The following MAP3K13 variants were observed in gnomAD, a reference collection of about 807,000 sequenced individuals.
The protein encoded by MAP3K13 is leucine zipper-bearing kinase.
In MAP3K13, 52 loss-of-function variants were observed where a neutral mutation model predicts 104.0. The ratio of observed to expected loss-of-function variants is 0.50; its 90% CI spans 0.40 to 0.63. The LOEUF (loss-of-function observed/expected upper bound fraction) is 0.63, where lower values mean the gene tolerates loss of function less well. Among genes scored for constraint, MAP3K13 ranks in the 20% least tolerant of loss-of-function variants. MAP3K13 has a pLI of 0.00. For synonymous variants in MAP3K13, 394 were observed against 442.2 expected (o/e 0.89, Z 1.37); for missense variants, 914 against 1,218.5 (o/e 0.75, Z 3.72).
chr3:185,466,953 C>A lies in MAP3K13; in HGVS notation c.1633C>A (p.Gln545Lys). ...RKGVPHKSGMQTKRPDLLRSE... is the reference protein window; with the variant it reads ...RKGVPHKSGMKTKRPDLLRSE... ...AGGAGTGCCTCACAAATCTGGGATG[C>A]AGACCAAACGGTGAGACACCTGTAC... Residue 545 changes from glutamine (Q) to lysine (K), a missense_variant, in exon 10 of 14, where the codon CAG becomes AAG. Coordinates refer to ENST00000265026, the MANE Select transcript of MAP3K13 (RefSeq NM_004721.5). The A allele has an allele frequency of 6.2e-7, 1 of 1,613,930 alleles. No individual in the cohort carries two copies. Among genetic ancestry groups the A allele is most frequent in the Non-Finnish European group, 8.5e-7 (1 of 1,179,840 alleles).
chr3:185,378,676 G>A (rs899685551), intron 1 of MAP3K13, among the ~76,000 whole-genome samples: 15 of 152,186 alleles, frequency 9.9e-5, no homozygotes, highest in African/African-American at 3.6e-4. Flanking sequence ...AGAGCTTGGG[G>A]TGGAGACTGA....
intron 2 of MAP3K13, among the ~76,000 whole-genome samples, chr3:185,356,841 G>C (rs1457977269): frequency 1.3e-5 from 2 of 151,980 alleles, no homozygotes; most frequent in Non-Finnish European, 2.9e-5. Flanking sequence ...CCTTCAAATG[G>C]GGATGATACA....
At chr3:185,452,370 T>G (rs1489194220) in intron 7 of MAP3K13, among the ~76,000 whole-genome samples, 1 of 152,074 alleles carries the variant, frequency 6.6e-6, no homozygotes, top group Non-Finnish European at 1.5e-5. Context: ...ACTACAAGCA[T>G]GCACCACCAC....
At position 185,473,771 on chromosome 3, in the gene MAP3K13, A is replaced by C; in HGVS notation, c.2430+10A>C. Reference sequence around the variant, plus strand: ...AAGGCCTCTGCAGAAGGTAAAGTGTAATGATGAGAGTGGCCTGCGTCACTG... The same window carrying C: ...AAGGCCTCTGCAGAAGGTAAAGTGTCATGATGAGAGTGGCCTGCGTCACTG... On this transcript the variant is annotated intron_variant, in intron 11 of 13. Coordinates refer to ENST00000265026, the MANE Select transcript of MAP3K13 (RefSeq NM_004721.5). The surrounding 1 kb of genome is among the most constrained non-coding windows in gnomAD (Gnocchi z 4.9). 1 of 1,608,020 alleles carries C rather than the reference A, an allele frequency of 6.2e-7. No homozygotes were observed. The highest frequency in any genetic ancestry group is 1.7e-5 in the Admixed American group (1 of 59,444).
chr3:185,348,675 T>C lies in MAP3K13; in HGVS notation c.-86+63032T>C, dbSNP rs563533320. ...GGCTCACGCTTGTAATCCCAGCACTTTGGGAGGCCGAGGCGGGTGGATCAC... is the reference window on the plus strand; with the variant it reads ...GGCTCACGCTTGTAATCCCAGCACTCTGGGAGGCCGAGGCGGGTGGATCAC... On this transcript the variant is annotated intron_variant, in intron 2 of 14. Coordinates refer to the MAP3K13 transcript ENST00000424227. Among the ~76,000 whole-genome samples, 12 of 152,156 alleles carry C rather than the reference T, an allele frequency of 7.9e-5. No individual in the cohort carries two copies. In the South Asian group the frequency reaches 2.3e-3, roughly 29 times the overall value.
intron 2 of MAP3K13, among the ~76,000 whole-genome samples, chr3:185,312,724 G>A (rs1356352408): frequency 3.3e-5 from 5 of 152,038 alleles, no homozygotes; most frequent in Admixed American, 2.0e-4. Flanking sequence ...TATCAGTGTG[G>A]GATGATATTT....
intron 10 of MAP3K13, among the ~76,000 whole-genome samples, chr3:185,467,944 G>T (rs1340233667): frequency 6.6e-6 from 1 of 152,028 alleles, no homozygotes; most frequent in Admixed American, 6.6e-5. Context: ...AACAAAGGGG[G>T]AGCCAGCGCT....
rs150971737 is a variant in MAP3K13, at chr3:185,393,425, G to A, written c.-86+30057G>A. ...GCATTTCTATGGATAAGAATCAGCT[G>A]CATTACTATTTGCTATATTTACAGA... On this transcript the variant is annotated intron_variant, in intron 1 of 13. Coordinates refer to ENST00000265026, the MANE Select transcript of MAP3K13 (RefSeq NM_004721.5). Among the ~76,000 whole-genome samples the A allele has an allele frequency of 8.3e-3, 1,267 of 151,856 alleles. 25 individuals are homozygous for A. Among genetic ancestry groups the A allele is most frequent in the African/African-American group, 0.029 (1,185 of 41,418 alleles).
intron 2 of MAP3K13, among the ~76,000 whole-genome samples, chr3:185,347,074 C>T (rs1263967989): frequency 2.0e-5 from 3 of 150,504 alleles, no homozygotes; most frequent in Non-Finnish European, 4.4e-5. Context: ...GCAACCTCTA[C>T]CTCCCGGGTT....
Position 185,331,413 on chromosome 3 carries a change from T to TC in MAP3K13, c.-86+45770_-86+45771insC, listed in dbSNP as rs200528818. On this transcript the variant is annotated intron_variant, in intron 2 of 14. Transcript: ENST00000424227. Reference sequence around the variant, plus strand: ...CCTGGCCTTTTCTTTTCTTTTCTTTTTTTTTAAGTAGCCACCTGGCAGTAT... The same window carrying TC: ...CCTGGCCTTTTCTTTTCTTTTCTTTTCTTTTTAAGTAGCCACCTGGCAGTAT... Among the ~76,000 whole-genome samples the TC allele has an allele frequency of 9.1e-3, 1,388 of 152,184 alleles. 27 individuals carry two copies. The highest frequency in any genetic ancestry group is 0.031 in the African/African-American group (1,302 of 41,496).
chr3:185,404,693 C>CTGTGGCAGAG (rs1713009183), intron 1 of MAP3K13, among the ~76,000 whole-genome samples: 5 of 152,176 alleles, frequency 3.3e-5, no homozygotes, highest in African/African-American at 1.2e-4. Flanking sequence ...TCTCCTGCCT[C>CTGTGGCAGAG]AACCTCCCAA....
chr3:185,330,148 G>A (rs1457415549), intron 2 of MAP3K13, among the ~76,000 whole-genome samples: 1 of 144,136 alleles, frequency 6.9e-6, no homozygotes, highest in Admixed American at 7.3e-5. Context: ...TGATCCACCC[G>A]CCTCGGCCTC....
At chr3:185,408,068 G>T (rs560993117) in intron 1 of MAP3K13, among the ~76,000 whole-genome samples, 48 of 151,670 alleles carry the variant, frequency 3.2e-4, no homozygotes, top group African/African-American at 1.1e-3. Context: ...AGTAGCGTCT[G>T]GCATGGGCAG....
chr3:185,484,442 T>C lies in MAP3K13; in HGVS notation c.*1986T>C. 6.6e-6 allele frequency: 1 copy of C among 152,218 alleles called. No homozygotes were observed. The highest frequency in any genetic ancestry group is 1.9e-4 in the East Asian group (1 of 5,200). 9.4% of individuals were successfully genotyped at this position (152,218 alleles called of 1,614,324 possible). A position where few individuals can be genotyped will look rare whatever the true frequency, so the allele number is the denominator to read the frequency against. On this transcript the variant is annotated 3_prime_UTR_variant, in exon 14 of 14. Coordinates refer to ENST00000265026, the MANE Select transcript of MAP3K13 (RefSeq NM_004721.5). ...CACTGGACTCTTTGACACTGCATCA[T>C]GTTGGACGTTAGGAAATACTTGCAC... is the stretch of plus-strand genomic sequence containing the variant.
intron 1 of MAP3K13, among the ~76,000 whole-genome samples, chr3:185,395,575 G>T (rs1185186538): frequency 6.7e-6 from 1 of 149,620 alleles, no homozygotes; most frequent in East Asian, 2.0e-4. Context: ...AGCCGGGATG[G>T]TCTCGATCTC....
upstream of MAP3K13, among the ~76,000 whole-genome samples, chr3:185,360,818 CTTTTTTTTTTTT>C (rs532196266): frequency 2.6e-5 from 2 of 78,092 alleles, no homozygotes; most frequent in African/African-American, 9.5e-5. Flanking sequence ...ACAGCTTTAG[CTTTTTTTTTTTT>C]TTTTTTTTTT....
In MAP3K13 at chr3:185,443,618, G is replaced by A. The variant is rs1715445114; in HGVS notation, c.833G>A (p.Arg278His). 3 of 1,613,712 alleles carry A rather than the reference G, an allele frequency of 1.9e-6. No individual in the cohort carries two copies. The highest frequency in any genetic ancestry group is 1.1e-5 in the South Asian group (1 of 91,066). The part of the protein sequence containing the change: ...NYLHLHKIIH[R>H]DLKSPNVLVT... The stretch of plus-strand genomic sequence containing the variant: ...TTGCACCTCCATAAAATTATTCATC[G>A]TGATCTCAAATCACCTAAGTGAGTT... Residue 278 changes from arginine (R) to histidine (H), a missense_variant, in exon 4 of 14, where the codon CGT becomes CAT. Physicochemically the swap from Arg to His is conservative, Grantham distance 29 (BLOSUM62 0). This residue lies in a region of MAP3K13 where 175 missense variants were observed against 321.3 expected (regional missense o/e 0.54). Transcript: ENST00000265026.
rs563453127 is a variant in MAP3K13 at position 185,382,492 on chromosome 3, T to C, written c.-86+19124T>C. On this transcript the variant is annotated intron_variant, in intron 1 of 13. Transcript: ENST00000265026. ...TTACAATTAGAGTTACATTTAAAATTTTTTCAGGTAAGAAAATTGAAGGTA... is the reference window on the plus strand; with the variant it reads ...TTACAATTAGAGTTACATTTAAAATCTTTTCAGGTAAGAAAATTGAAGGTA... Among the ~76,000 whole-genome samples the C allele has an allele frequency of 6.6e-5, 10 of 152,280 alleles. No individual in the cohort carries two copies. The South Asian group carries it at 1.2e-3, about 19-fold the overall frequency.
intron 11 of MAP3K13, among the ~76,000 whole-genome samples, chr3:185,474,711 A>C (rs536083346): frequency 2.6e-5 from 4 of 152,180 alleles, no homozygotes; most frequent in Non-Finnish European, 2.9e-5. Flanking sequence ...TCTCCTCCTT[A>C]TCCACTGGCT....
Sources: gnomAD v4.1 joint callset for allele counts (sites outside exome capture counted in the v4.1 genomes callset) on GRCh38, gnomAD v4.1.1 for gene constraint, gnomAD v4.1.1 regional missense constraint, Gnocchi (gnomAD v3.1) non-coding constraint, MANE v1.5 for transcripts, NCBI Gene and HGNC (gene_info 2026-07-23, HGNC 2026-07-21) for gene names.